Variants in ADGRE2 observed in about 807,000 individuals in gnomAD.
The protein encoded by ADGRE2 is CD97 antigen.
Under a neutral mutation model 100.8 loss-of-function variants are expected in ADGRE2, and 83 were observed. The observed-to-expected ratio is 0.82, with a 90% CI of 0.69 to 0.99. ADGRE2 has a LOEUF of 0.99. Ranked by LOEUF, ADGRE2 falls within the 50% of genes least tolerant of loss-of-function variation. The probability of loss-of-function intolerance (pLI) is 0.00; values close to 1 mark genes in which losing one functional copy is unlikely to be tolerated. For synonymous variants in ADGRE2, 355 were observed against 413.0 expected (o/e 0.86, Z 1.70); for missense variants, 814 against 1,035.7 (o/e 0.79, Z 2.94).
chr19:14,747,733 A>G (rs1009463426), intron 16 of ADGRE2, among the ~76,000 whole-genome samples: 1 of 150,482 alleles, frequency 6.6e-6, no homozygotes, highest in Non-Finnish European at 1.5e-5. Context: ...GCTTGAACCC[A>G]GGAAGCAGAG....
Position 14,751,458 on chromosome 19 carries a change from G to A in ADGRE2, c.2002C>T (p.His668Tyr). The A allele has an allele frequency of 6.2e-7, 1 of 1,614,014 alleles. No homozygotes were observed. The highest frequency in any genetic ancestry group is 1.3e-5 in the African/African-American group (1 of 75,038). The change falls in exon 16 of 21, where the codon CAC (histidine) becomes TAC (tyrosine). Residue 668 changes from histidine (H) to tyrosine (Y), a missense_variant. By Grantham distance (83) the His-to-Tyr change is moderately conservative. This residue lies in a region of ADGRE2 where 569 missense variants were observed against 692.7 expected (regional missense o/e 0.82). Transcript: ENST00000315576. ...TVAISAASRP[H>Y]LYGTPSRCWL... ...AACCGGGAAGGTGTTCCATAAAGGT[G>A]AGGCCTGGAGGCTGCAGAAATGGCC...
At chr19:14,772,216 G>C (rs1055795418) in intron 5 of ADGRE2, 126 bp downstream of exon 5, 25 of 1,357,782 alleles carry the variant, frequency 1.8e-5, no homozygotes, top group South Asian at 1.2e-4. Flanking sequence ...ATGCACACCT[G>C]TCTCATCTCA....
rs1279470463 is a variant in ADGRE2 at position 14,762,388 on chromosome 19, T to TCTA, written c.1084+2044_1084+2045insTAG. 2.0e-5 allele frequency among the ~76,000 whole-genome samples: 3 copies of TCTA among 152,262 alleles called. No individual in the cohort carries two copies. In the East Asian group the frequency reaches 5.8e-4, roughly 29 times the overall value. ...GCTAGGTGAAAGGAGCTAGACTAGA[T>TCTA]GGTCACATATTGTATGATTCCATTT... On this transcript the variant is annotated intron_variant, in intron 11 of 20. Transcript: ENST00000315576.
rs1599797511 is a variant in ADGRE2, at chr19:14,745,737, T to C, written c.2183+495A>G. Among the ~76,000 whole-genome samples, 3 of 152,234 alleles carry C rather than the reference T, an allele frequency of 2.0e-5. No individual in the cohort carries two copies. The East Asian group carries it at 5.8e-4, about 29-fold the overall frequency. On this transcript the variant is annotated intron_variant, in intron 18 of 20. Transcript: ENST00000315576. ...CTCCTGCCTCAGCCTCCCGAGTAGC[T>C]GGGACTACAGGTGCCTGCCACCATG...
chr19:14,761,068 A>C (rs141914611), intron 11 of ADGRE2, among the ~76,000 whole-genome samples: 7 of 152,284 alleles, frequency 4.6e-5, no homozygotes, highest in African/African-American at 1.7e-4. Flanking sequence ...TATAGCTTAA[A>C]CATATTTGAT....
At chr19:14,753,220 A>T (rs2335212) in intron 14 of ADGRE2, among the ~76,000 whole-genome samples, 2 of 151,542 alleles carry the variant, frequency 1.3e-5, no homozygotes, top group Non-Finnish European at 2.9e-5. Context: ...GGAAAGTGAG[A>T]GTTAAAGAAA....
At position 14,776,489 on chromosome 19, in the gene ADGRE2, C is replaced by A. The variant is rs371424497; in HGVS notation, c.31+237G>T. On this transcript the variant is annotated intron_variant, in intron 2 of 20. Transcript: ENST00000315576. Reference sequence around the variant, plus strand: ...TGGCTCCAGTAGAAAGCTTGAGGATCCCTCCGGGCAGGGTAGCAGGCTCCG... The same window carrying A: ...TGGCTCCAGTAGAAAGCTTGAGGATACCTCCGGGCAGGGTAGCAGGCTCCG... 9.8e-4 allele frequency: 553 copies of A among 562,746 alleles called. 2 individuals are homozygous for A. Among genetic ancestry groups the A allele is most frequent in the African/African-American group, 9.3e-3 (491 of 52,836 alleles). 34.9% of individuals were successfully genotyped at this position (562,746 alleles called of 1,614,324 possible).
intron 18 of ADGRE2, 108 bp from the exon 19 acceptor site, chr19:14,743,892 A>C: frequency 8.8e-6 from 9 of 1,020,188 alleles, no homozygotes; most frequent in African/African-American, 1.7e-5. Flanking sequence ...ATGATTTCTC[A>C]GACTGGGCTG....
At chr19:14,762,611 C>A (rs982611451) in intron 11 of ADGRE2, among the ~76,000 whole-genome samples, 1 of 137,136 alleles carries the variant, frequency 7.3e-6, no homozygotes, top group African/African-American at 2.8e-5. Flanking sequence ...GAAACACACG[C>A]TTTTAAAATT....
At chr19:14,760,217 A>G (rs1231775040) in intron 11 of ADGRE2, among the ~76,000 whole-genome samples, 1 of 152,200 alleles carries the variant, frequency 6.6e-6, no homozygotes, top group Admixed American at 6.6e-5. Context: ...ATTGTTCCCA[A>G]CACATACAAA....
rs373173364 is a variant in ADGRE2 at position 14,755,117 on chromosome 19, G to A, written c.1427C>T (p.Pro476Leu). The A allele has an allele frequency of 3.9e-5, 63 of 1,613,756 alleles. No individual in the cohort carries two copies. The highest frequency in any genetic ancestry group is 1.3e-4 in the South Asian group (12 of 91,050). The change falls in exon 14 of 21, where the codon CCG becomes CTG. Residue 476 changes from proline to leucine, a missense_variant. Physicochemically the swap from Pro to Leu is moderately conservative, Grantham distance 98. Transcript: ENST00000315576. ...TFTFSHRSVI[P>L]RQKVLCVFWE... ...GAAGACACAGAGCACCTTCTGTCTC[G>A]GGATCACTGACTGCAGGAACAGAAC...
chr19:14,759,503 A>ATATATATATATATATATATATT (rs60789454), intron 11 of ADGRE2, among the ~76,000 whole-genome samples: 126 of 133,340 alleles, frequency 9.4e-4, no homozygotes, highest in African/African-American at 3.6e-3. Context: ...ATATATATAT[A>ATATATATATATATATATATATT]TTTTTTTTTT....
intron 11 of ADGRE2, among the ~76,000 whole-genome samples, chr19:14,761,293 C>G (rs2043713978): frequency 6.6e-6 from 1 of 152,102 alleles, no homozygotes; most frequent in African/African-American, 2.4e-5. Flanking sequence ...GTAGTCCCAG[C>G]TACTTGGGAG....
intron 20 of ADGRE2, among the ~76,000 whole-genome samples, chr19:14,740,943 C>T (rs2042910174): frequency 6.6e-6 from 1 of 151,626 alleles, no homozygotes; most frequent in African/African-American, 2.4e-5. Context: ...TGCCATGTTG[C>T]ACAGGTTGGT....
the ADGRE2 span, among the ~76,000 whole-genome samples, chr19:14,724,219 C>A: frequency 6.6e-6 from 1 of 152,144 alleles, no homozygotes; most frequent in African/African-American, 2.4e-5. Context: ...AGAAATGGTT[C>A]AAAAAGATCA....
chr19:14,736,318 A>G, intron 20 of ADGRE2, 74 bp from the exon 21 acceptor site: 4 of 1,004,868 alleles, frequency 4.0e-6, no homozygotes, highest in Non-Finnish European at 6.1e-6. Flanking sequence ...CTGGAGTGCA[A>G]TGGCGCAGCC....
intron 20 of ADGRE2, among the ~76,000 whole-genome samples, chr19:14,740,067 C>G (rs536380743): frequency 6.6e-6 from 1 of 151,116 alleles, no homozygotes; most frequent in African/African-American, 2.4e-5. Context: ...TGTCACTGCA[C>G]TCCAGCCTGG....
At position 14,759,503 on chromosome 19, in the gene ADGRE2, A is replaced by ATATATATATATATATTTTT. The variant is rs60789454; in HGVS notation, c.1085-3159_1085-3158insAAAAATATATATATATATA. On this transcript the variant is annotated intron_variant, in intron 11 of 20. Transcript: ENST00000315576. ...ATAAGTTATACATATATATATATAT[A>ATATATATATATATATTTTT]TTTTTTTTTTTTAGACGGAGTCTCA... is the stretch of plus-strand genomic sequence containing the variant. Among the ~76,000 whole-genome samples the ATATATATATATATATTTTT allele has an allele frequency of 6.7e-5, 9 of 133,372 alleles. No homozygotes were observed. The East Asian group carries it at 2.0e-3, about 30-fold the overall frequency. 87.5% of individuals were successfully genotyped at this position (133,372 alleles called of 152,430 possible).
rs372051793 is a variant in ADGRE2 at position 14,751,728 on chromosome 19, G to A, written c.1789-57C>T. 4.1e-4 allele frequency: 516 copies of A among 1,272,620 alleles called. 8 individuals carry two copies. The South Asian group carries it at 4.9e-3, about 12-fold the overall frequency. 78.8% of individuals were successfully genotyped at this position (1,272,620 alleles called of 1,614,324 possible). A position where few individuals can be genotyped will look rare whatever the true frequency, so the allele number is the denominator to read the frequency against. On this transcript the variant is annotated intron_variant, in intron 15 of 20. Coordinates refer to ENST00000315576, the MANE Select transcript of ADGRE2 (RefSeq NM_013447.4). ...CGATCAGATTTGAGTGTGGCCCATG[G>A]CTTCTCCTGTACCATGTTGTTGGGG...
Sources: allele counts gnomAD v4.1 joint callset (sites outside exome capture counted in the v4.1 genomes callset), GRCh38; gene constraint gnomAD v4.1.1; regional missense constraint gnomAD v4.1.1; transcripts MANE v1.5; gene names NCBI Gene and HGNC (gene_info 2026-07-23, HGNC 2026-07-21).